TCN2: variants seen among roughly 807,000 people sequenced by gnomAD.
The protein encoded by TCN2 is transcobalamin-2.
A neutral mutation model predicts 48.6 loss-of-function variants in TCN2; 34 were observed. The observed-to-expected ratio is 0.70, with a 90% CI of 0.53 to 0.93. TCN2 has a LOEUF of 0.93. Among genes scored for constraint, TCN2 ranks in the 40% least tolerant of loss-of-function variants. The pLI is 0.00. For missense variants in TCN2, 652 were observed against 526.1 expected (o/e 1.24, Z -2.34); for synonymous variants, 283 against 212.5 (o/e 1.33, Z -2.89).
At chr22:30,626,433 C>T (rs368252677) in intron 8 of TCN2, 27 bp from the exon 9 acceptor site, 30 of 1,613,538 alleles carry the variant, frequency 1.9e-5, no homozygotes, top group South Asian at 8.8e-5. Context: ...CCCAATTCGC[C>T]CCTCCTTGCT....
chr22:30,623,091 A>G lies in TCN2; in HGVS notation c.1222+8A>G. The stretch of plus-strand genomic sequence containing the variant: ...ACACCCCACTGTTGCAAGGTGAGTC[A>G]TGGCCTGACACTCTGGATGTGTCCC... On this transcript the variant is annotated splice_region_variant and intron_variant, in intron 8 of 8. Transcript: ENST00000215838. 1 of 1,613,676 alleles carries G rather than the reference A, an allele frequency of 6.2e-7. No individual in the cohort carries two copies. The highest frequency in any genetic ancestry group is 8.5e-7 in the Non-Finnish European group (1 of 1,179,774).
chr22:30,626,652 G>C lies in TCN2; in HGVS notation c.*131G>C, dbSNP rs1368378623. 1 of 981,582 alleles carries C rather than the reference G, an allele frequency of 1.0e-6. No individual in the cohort carries two copies. Among genetic ancestry groups the C allele is most frequent in the Non-Finnish European group, 1.6e-6 (1 of 629,688 alleles). The allele number at this position is 981,582 out of a possible 1,614,324, so 60.8% of individuals were successfully genotyped here. ...GTGCACTTTGAGCAATGCCCCCTGGGATCACCCCAGCCACAAGCCCTTCGA... is the reference window on the plus strand; with the variant it reads ...GTGCACTTTGAGCAATGCCCCCTGGCATCACCCCAGCCACAAGCCCTTCGA... On this transcript the variant is annotated 3_prime_UTR_variant, in exon 9 of 9. Coordinates refer to ENST00000215838, the MANE Select transcript of TCN2 (RefSeq NM_000355.4).
intron 4 of TCN2, 39 bp downstream of exon 4, chr22:30,614,540 C>G: frequency 6.2e-7 from 1 of 1,612,818 alleles, no homozygotes; most frequent in Non-Finnish European, 8.5e-7. Flanking sequence ...GGCTGGCACT[C>G]CCTCAGTCCC....
intron 6 of TCN2, 111 bp downstream of exon 6, chr22:30,615,898 G>GTT: frequency 7.4e-7 from 1 of 1,352,204 alleles, no homozygotes; most frequent in African/African-American, 1.4e-5. Flanking sequence ...GCACAAGATT[G>GTT]TGGGTGTGCA....
chr22:30,617,544 G>C, intron 7 of TCN2, 49 bp downstream of exon 7: 1 of 1,612,508 alleles, frequency 6.2e-7, no homozygotes, highest in Non-Finnish European at 8.5e-7. Context: ...TCACATGCCT[G>C]ATAACAGGGT....
Position 30,617,395 on chromosome 22 carries a change from G to A in TCN2, c.1006G>A (p.Val336Met), listed in dbSNP as rs1279948941. 1.2e-6 allele frequency: 2 copies of A among 1,614,166 alleles called. No homozygotes were observed. The highest frequency in any genetic ancestry group is 1.1e-5 in the South Asian group (1 of 91,082). Residue 336 changes from valine to methionine, a missense_variant, in exon 7 of 9, where the codon GTG becomes ATG. Transcript: ENST00000215838. ...TQEIISVTLQ[V>M]LSLLPPYRQS... is the part of the protein sequence containing the mutation. ...AGAGATCATCAGTGTCACGCTGCAGGTGCTTAGTCTCTTGCCGCCGTACAG... is the reference window on the plus strand; with the variant it reads ...AGAGATCATCAGTGTCACGCTGCAGATGCTTAGTCTCTTGCCGCCGTACAG...
At chr22:30,618,263 G>GT (rs1052652742) in intron 7 of TCN2, among the ~76,000 whole-genome samples, 7 of 92,434 alleles carry the variant, frequency 7.6e-5, no homozygotes, top group East Asian at 4.8e-4. Context: ...ATAATAACTG[G>GT]TTTTTTTTGT....
intron 2 of TCN2, among the ~76,000 whole-genome samples, chr22:30,612,451 G>A (rs747047334): frequency 1.3e-5 from 2 of 152,008 alleles, no homozygotes; most frequent in Non-Finnish European, 2.9e-5. Flanking sequence ...TTGGGAGGCC[G>A]AGGCAGAAGA....
Position 30,623,085 on chromosome 22 carries a change from TGA to T in TCN2, c.1222+4_1222+5del. 12 of 1,613,638 alleles carry T rather than the reference TGA, an allele frequency of 7.4e-6. No homozygotes were observed. Among genetic ancestry groups the T allele is most frequent in the Non-Finnish European group, 1.0e-5 (12 of 1,179,876 alleles). ...ACCCCAACACCCCACTGTTGCAAGG[TGA>T]GTCATGGCCTGACACTCTGGATGTG... On this transcript the variant is annotated splice_donor_region_variant and intron_variant, in intron 8 of 8. Coordinates refer to ENST00000215838, the MANE Select transcript of TCN2 (RefSeq NM_000355.4).
At chr22:30,613,303 G>T (rs1236208504) in intron 3 of TCN2, among the ~76,000 whole-genome samples, 2 of 152,076 alleles carry the variant, frequency 1.3e-5, no homozygotes, top group Non-Finnish European at 2.9e-5. Context: ...TTTTGAGTTG[G>T]AGGTTTGCTC....
intron 7 of TCN2, 88 bp downstream of exon 7, chr22:30,617,583 G>T (rs945215881): frequency 1.9e-6 from 3 of 1,556,126 alleles, no homozygotes; most frequent in Non-Finnish European, 8.8e-7. Context: ...CAGAGGAGAG[G>T]GTTCCCTCGG....
chr22:30,610,814 ACTT>A, intron 1 of TCN2, 54 bp from the exon 2 acceptor site: 2 of 1,596,152 alleles, frequency 1.3e-6, no homozygotes, highest in South Asian at 2.2e-5. Flanking sequence ...ACGTCAAAGC[ACTT>A]CTTTGCTGGT....
At position 30,622,976 on chromosome 22, in the gene TCN2, C is replaced by T; in HGVS notation, c.1115C>T (p.Thr372Ile). Residue 372 changes from threonine to isoleucine, a missense_variant, in exon 8 of 9, where the codon ACA becomes ATA. Transcript: ENST00000215838. The part of the protein sequence containing the change: ...AHELGGFTYE[T>I]QASLSGPYLT... ...GCCTTTCCCTTCTGTAGATATGAAA[C>T]ACAGGCCTCCTTGTCAGGCCCCTAC... 5.0e-6 allele frequency: 8 copies of T among 1,614,158 alleles called. No homozygotes were observed. The highest frequency in any genetic ancestry group is 6.8e-6 in the Non-Finnish European group (8 of 1,180,022).
At position 30,623,708 on chromosome 22, in the gene TCN2, A is replaced by G. The variant is rs571460929; in HGVS notation, c.1222+625A>G. On this transcript the variant is annotated intron_variant, in intron 8 of 8. Transcript: ENST00000215838. ...GTATACATATATATGAAATATATAT[A>G]TATACAGACACACATATATATGTAT... 3.9e-3 allele frequency among the ~76,000 whole-genome samples: 474 copies of G among 122,736 alleles called. 11 individuals carry two copies. Among genetic ancestry groups the G allele is most frequent in the African/African-American group, 0.022 (443 of 20,466 alleles). 80.5% of individuals were successfully genotyped at this position (122,736 alleles called of 152,430 possible).
At position 30,623,951 on chromosome 22, in the gene TCN2, T is replaced by C. The variant is rs1374980515; in HGVS notation, c.1222+868T>C. Among the ~76,000 whole-genome samples the C allele has an allele frequency of 1.2e-4, 11 of 89,286 alleles. 2 individuals carry two copies. Among genetic ancestry groups the C allele is most frequent in the South Asian group, 3.2e-4 (1 of 3,136 alleles). 58.6% of individuals were successfully genotyped at this position (89,286 alleles called of 152,430 possible). Reference sequence around the variant, plus strand: ...GTATACATATATACACACACACATATGTATACATATATACACACACATATA... The same window carrying C: ...GTATACATATATACACACACACATACGTATACATATATACACACACATATA... On this transcript the variant is annotated intron_variant, in intron 8 of 8. Coordinates refer to ENST00000215838, the MANE Select transcript of TCN2 (RefSeq NM_000355.4).
At chr22:30,622,190 T>C (rs2087709347) in intron 7 of TCN2, among the ~76,000 whole-genome samples, 1 of 152,174 alleles carries the variant, frequency 6.6e-6, no homozygotes, top group South Asian at 2.1e-4. Flanking sequence ...TTTCTTCATG[T>C]TGGTCAGGCT....
At position 30,626,952 on chromosome 22, in the gene TCN2, A is replaced by C. The variant is rs1272227229; in HGVS notation, c.*431A>C. On this transcript the variant is annotated 3_prime_UTR_variant, in exon 9 of 9. Transcript: ENST00000215838. ...GACCCCAGCTCTCCACTCTGCTGTT[A>C]GAGTGGCAGCTCCGAGCTGGTTGTG... is the stretch of plus-strand genomic sequence containing the variant. The C allele has an allele frequency of 7.0e-6, 2 of 283,950 alleles. No homozygotes were observed. Among genetic ancestry groups the C allele is most frequent in the Admixed American group, 9.0e-5 (2 of 22,252 alleles). The allele number at this position is 283,950 out of a possible 1,614,324, so 17.6% of individuals were successfully genotyped here. A position where few individuals can be genotyped will look rare whatever the true frequency, so the allele number is the denominator to read the frequency against.
rs1602059762 is a variant in TCN2 at position 30,626,620 on chromosome 22, A to G, written c.*99A>G. On this transcript the variant is annotated 3_prime_UTR_variant, in exon 9 of 9. Coordinates refer to ENST00000215838, the MANE Select transcript of TCN2 (RefSeq NM_000355.4). ...CAGGAACTCGCCTGACCCTGCTGCC[A>G]CCTCCTGTGCACTTTGAGCAATGCC... is the stretch of plus-strand genomic sequence containing the variant. 5 of 1,351,978 alleles carry G rather than the reference A, an allele frequency of 3.7e-6. No individual in the cohort carries two copies. The highest frequency in any genetic ancestry group is 3.6e-5 in the South Asian group (3 of 83,094). The allele number at this position is 1,351,978 out of a possible 1,614,324, so 83.7% of individuals were successfully genotyped here.
At chr22:30,623,229 T>A in intron 8 of TCN2, 146 bp downstream of exon 8, 1 of 704,602 alleles carries the variant, frequency 1.4e-6, no homozygotes, top group Non-Finnish European at 2.4e-6. Flanking sequence ...GGATATAATA[T>A]ATTGAACTGA....
Sources: allele counts gnomAD v4.1 joint callset (sites outside exome capture counted in the v4.1 genomes callset), GRCh38; gene constraint gnomAD v4.1.1; transcripts MANE v1.5; gene names NCBI Gene and HGNC (gene_info 2026-07-23, HGNC 2026-07-21).